TUSC3: variants seen among roughly 807,000 people sequenced by gnomAD.
The protein encoded by TUSC3 is dolichyl-diphosphooligosaccharide--protein glycosyltransferase subunit TUSC3.
A neutral mutation model predicts 44.8 loss-of-function variants in TUSC3; 45 were observed. That is an observed-to-expected ratio of 1.00 (90% CI 0.79 to 1.29). TUSC3 has a LOEUF of 1.29. Among genes scored for constraint, TUSC3 ranks in the 50% most tolerant of loss-of-function variants. The probability of loss-of-function intolerance (pLI) is 0.00; values close to 1 mark genes in which losing one functional copy is unlikely to be tolerated. For synonymous variants in TUSC3, 212 were observed against 152.9 expected, an observed-to-expected ratio of 1.39 and a Z score of -2.85; for missense variants, 519 against 437.9, an observed-to-expected ratio of 1.19 and a Z score of -1.65.
intron 1 of TUSC3, among the ~76,000 whole-genome samples, chr8:15,427,229 C>CTTTTTT (rs765417646): frequency 2.1e-5 from 3 of 144,712 alleles, no homozygotes; most frequent in Non-Finnish European, 4.5e-5. Flanking sequence ...AAGGTTTTTC[C>CTTTTTT]TTTTTTTTTT....
intron 8 of TUSC3, among the ~76,000 whole-genome samples, chr8:15,745,735 C>T (rs190978276): frequency 6.6e-6 from 1 of 151,664 alleles, no homozygotes; most frequent in Admixed American, 6.6e-5. Context: ...TTCTCCCATT[C>T]TGTAGGTTGT....
downstream of TUSC3, among the ~76,000 whole-genome samples, chr8:15,769,453 T>G (rs1418764556): frequency 2.0e-5 from 3 of 152,070 alleles, no homozygotes; most frequent in Non-Finnish European, 4.4e-5. Context: ...ACTTAAATGT[T>G]AAGACCTAAA....
In TUSC3 at chr8:15,586,212, T is replaced by C. The variant is rs148568741; in HGVS notation, c.139-36868T>C. ...AGAAACAATTTAAGTCAGTAGTGAC[T>C]GTGAAGGACTGAATGTTGTGAGTTA... On this transcript the variant is annotated intron_variant, in intron 1 of 10. Coordinates refer to ENST00000503731, the MANE Select transcript of TUSC3 (RefSeq NM_006765.4). Among the ~76,000 whole-genome samples, 222 of 152,282 alleles carry C rather than the reference T, an allele frequency of 1.5e-3. 2 individuals carry two copies. The East Asian group carries it at 0.035, about 24-fold the overall frequency.
chr8:15,794,187 T>G, the TUSC3 span, among the ~76,000 whole-genome samples: 1 of 152,172 alleles, frequency 6.6e-6, no homozygotes, highest in African/African-American at 2.4e-5. Flanking sequence ...TCAGCATCAT[T>G]TGGGCCTTTG....
At chr8:15,736,361 A>G (rs1482449463) in intron 7 of TUSC3, among the ~76,000 whole-genome samples, 1 of 152,252 alleles carries the variant, frequency 6.6e-6, no homozygotes, top group Non-Finnish European at 1.5e-5. Context: ...AAGTGAAAAT[A>G]TGCAGTTTTT....
At chr8:15,454,679 A>G (rs948479022) in intron 1 of TUSC3, among the ~76,000 whole-genome samples, 8 of 152,236 alleles carry the variant, frequency 5.3e-5, no homozygotes, top group Admixed American at 2.6e-4. Flanking sequence ...TGGAGCCCTT[A>G]CTATGTAGGT....
intron 1 of TUSC3, among the ~76,000 whole-genome samples, chr8:15,450,621 G>A (rs1800185450): frequency 6.6e-6 from 1 of 152,180 alleles, no homozygotes; most frequent in Admixed American, 6.5e-5. Flanking sequence ...GGTGAGCCAA[G>A]ATTGCAACAT....
At chr8:15,545,919 T>C (rs2129134536) in intron 1 of TUSC3, among the ~76,000 whole-genome samples, 1 of 151,930 alleles carries the variant, frequency 6.6e-6, no homozygotes, top group South Asian at 2.1e-4. Context: ...GACTATCAGA[T>C]ATCTCTGATA....
chr8:15,544,644 CAG>C (rs1269918830), intron 1 of TUSC3, among the ~76,000 whole-genome samples: 2 of 151,640 alleles, frequency 1.3e-5, no homozygotes, highest in Admixed American at 1.3e-4. Context: ...AGCTGTGAAA[CAG>C]AGACTTTACT....
At chr8:15,612,557 G>A (rs73524579) in intron 1 of TUSC3, among the ~76,000 whole-genome samples, 4,640 of 152,228 alleles carry the variant, frequency 0.03, 90 homozygotes, top group African/African-American at 0.056. Flanking sequence ...GATTATGCCA[G>A]CTTGTTTATT....
At chr8:15,812,486 T>C in the TUSC3 span, among the ~76,000 whole-genome samples, 3 of 152,162 alleles carry the variant, frequency 2.0e-5, no homozygotes, top group Non-Finnish European at 1.5e-5. Flanking sequence ...TATACACTTG[T>C]TACTGCTGTA....
chr8:15,556,482 A>G (rs1802270903), intron 1 of TUSC3, among the ~76,000 whole-genome samples: 1 of 151,422 alleles, frequency 6.6e-6, no homozygotes, highest in Admixed American at 6.6e-5. Context: ...ATGTGTCCTT[A>G]TAGCAATACG....
intron 2 of TUSC3, among the ~76,000 whole-genome samples, chr8:15,647,524 C>T (rs1806687493): frequency 6.6e-6 from 1 of 152,090 alleles, no homozygotes; most frequent in Admixed American, 6.5e-5. Flanking sequence ...AATTCCTGTT[C>T]TAGTTTGTAT....
chr8:15,733,312 GT>G, intron 7 of TUSC3: 1 of 364,118 alleles, frequency 2.7e-6, no homozygotes, highest in Admixed American at 3.9e-5. Flanking sequence ...TTGCAGGTAA[GT>G]TTTTAACTCA....
chr8:15,462,851 C>G (rs1034264169), intron 1 of TUSC3, among the ~76,000 whole-genome samples: 1 of 152,034 alleles, frequency 6.6e-6, no homozygotes, highest in East Asian at 1.9e-4. Flanking sequence ...CACCAATTCC[C>G]TTGGCCAGAG....
intron 9 of TUSC3, among the ~76,000 whole-genome samples, chr8:15,755,729 T>TA (rs1400172643): frequency 6.6e-6 from 1 of 151,152 alleles, no homozygotes; most frequent in African/African-American, 2.4e-5. Context: ...GTGATTTTCT[T>TA]AAAAAAAGAA....
chr8:15,731,443 C>T (rs1310198407), intron 7 of TUSC3, among the ~76,000 whole-genome samples: 2 of 152,074 alleles, frequency 1.3e-5, no homozygotes, highest in African/African-American at 2.4e-5. Context: ...TACTAAGATT[C>T]ATATTCAAAT....
In TUSC3 at chr8:15,478,991, C is replaced by T. The variant is rs193211030; in HGVS notation, n.92-4395C>T. On this transcript the variant is annotated intron_variant and non_coding_transcript_variant, in intron 1 of 5. Transcript: ENST00000503191. Reference sequence around the variant, plus strand: ...CCATCATTGTGACTGGCATGAGATGCTATCTCATTTTGGTTTTGATTTGCA... The same window carrying T: ...CCATCATTGTGACTGGCATGAGATGTTATCTCATTTTGGTTTTGATTTGCA... Among the ~76,000 whole-genome samples, 287 of 152,138 alleles carry T rather than the reference C, an allele frequency of 1.9e-3. 2 individuals carry two copies. Among genetic ancestry groups the T allele is most frequent in the African/African-American group, 6.2e-3 (256 of 41,538 alleles).
At chr8:15,484,247 A>G (rs997128335) in intron 2 of TUSC3, among the ~76,000 whole-genome samples, 2 of 152,152 alleles carry the variant, frequency 1.3e-5, no homozygotes, top group African/African-American at 2.4e-5. Flanking sequence ...AATCCTTCTC[A>G]TGATTCATCT....
Sources: gnomAD v4.1 joint callset for allele counts (sites outside exome capture counted in the v4.1 genomes callset) on GRCh38, gnomAD v4.1.1 for gene constraint, MANE v1.5 for transcripts, NCBI Gene and HGNC (gene_info 2026-07-23, HGNC 2026-07-21) for gene names.